Variants in KIF14 observed in about 807,000 individuals in gnomAD.
KIF14 encodes the protein kinesin-like protein KIF14.
In KIF14, 98 loss-of-function variants were observed where a neutral mutation model predicts 176.2. That is an observed-to-expected ratio of 0.56 (90% confidence interval 0.47 to 0.66). The LOEUF (loss-of-function observed/expected upper bound fraction) is 0.66. Among genes scored for constraint, KIF14 ranks in the 30% least tolerant of loss-of-function variants. The pLI, the probability that KIF14 is intolerant of heterozygous loss-of-function variation, is 0.00. For synonymous variants in KIF14, 566 were observed against 632.2 expected (o/e 0.90, Z 1.57); for missense variants, 1,751 against 1,920.4 (o/e 0.91, Z 1.65).
In KIF14 at chr1:200,600,397, C is replaced by A. The variant is rs1402744465; in HGVS notation, c.2259G>T (p.Met753Ile). Residue 753 changes from methionine to isoleucine, a missense_variant, in exon 12 of 30, where the codon ATG becomes ATT. Physicochemically the swap from Met to Ile is conservative, Grantham distance 10. Coordinates refer to ENST00000367350, the MANE Select transcript of KIF14 (RefSeq NM_014875.3). ...LCRQEITSLRMKLHQQERDMA... is the reference protein window; with the variant it reads ...LCRQEITSLRIKLHQQERDMA... ...TGTCTCTCTCCTGTTGATGCAGTTT[C>A]ATTCTTAAGGATGTTATTTCTTGCC... 6.2e-7 allele frequency: 1 copy of A among 1,613,872 alleles called. No homozygotes were observed.
Position 200,580,300 on chromosome 1 carries a change from A to G in KIF14, c.3419T>C (p.Leu1140Pro), listed in dbSNP as rs1209747686. 1.3e-6 allele frequency: 2 copies of G among 1,512,626 alleles called. No individual in the cohort carries two copies. Among genetic ancestry groups the G allele is most frequent in the Non-Finnish European group, 8.9e-7 (1 of 1,123,412 alleles). The allele number at this position is 1,512,626 out of a possible 1,614,324, so 93.7% of individuals were successfully genotyped here. ...TGCAAGTTTAGATTCAAACTTTTCC[A>G]GACTCCAGAATGTTGAGATTCCTAG... ...LKLGISTFWS[L>P]EKFESKLAAM... Residue 1140 changes from leucine (L) to proline (P), a missense_variant, in exon 21 of 30, where the codon CTG (leucine) becomes CCG (proline). By Grantham distance (98) the Leu-to-Pro change is moderately conservative. Coordinates refer to ENST00000367350, the MANE Select transcript of KIF14 (RefSeq NM_014875.3).
In KIF14 at chr1:200,590,133, C is replaced by T. The variant is rs1281906677; in HGVS notation, c.2953G>A (p.Ala985Thr). 1.9e-6 allele frequency: 3 copies of T among 1,605,990 alleles called. No individual in the cohort carries two copies. The highest frequency in any genetic ancestry group is 1.7e-5 in the Admixed American group (1 of 57,936). ...AYESKIKALE[A>T]ELREESQRKK... is the part of the protein sequence containing the mutation. ...CTAATTCTGCCTTTTACCAGTTCTGCTTCCAGTGCTTTTATTTTGCTTTCA... is the reference window on the plus strand; with the variant it reads ...CTAATTCTGCCTTTTACCAGTTCTGTTTCCAGTGCTTTTATTTTGCTTTCA... The change falls in exon 17 of 30, where the codon GCA (alanine) becomes ACA (threonine). Residue 985 changes from alanine (A) to threonine (T), a missense_variant. Transcript: ENST00000367350.
intron 23 of KIF14, among the ~76,000 whole-genome samples, chr1:200,566,420 A>T (rs1236713392): frequency 6.6e-6 from 1 of 151,568 alleles, no homozygotes; most frequent in Non-Finnish European, 1.5e-5. Flanking sequence ...GTGAAACCCC[A>T]TCTCTATTAA....
At chr1:200,582,711 G>A (rs530952178) in intron 19 of KIF14, among the ~76,000 whole-genome samples, 78 of 152,008 alleles carry the variant, frequency 5.1e-4, no homozygotes, top group African/African-American at 1.7e-3. Context: ...TTAGTCAGGC[G>A]TGGTAGCGGA....
In KIF14 at chr1:200,602,190, C is replaced by T. The variant is rs1659660543; in HGVS notation, c.1980-122G>A. 2.2e-5 allele frequency: 15 copies of T among 693,472 alleles called. No individual in the cohort carries two copies. In the South Asian group the frequency reaches 3.7e-4, roughly 17 times the overall value. The allele number at this position is 693,472 out of a possible 1,614,324, so 43.0% of individuals were successfully genotyped here. ...AGTATTATTATACTCTACTCAAATA[C>T]CATTTAAAACTTTTCTGGTATTTGT... On this transcript the variant is annotated intron_variant, in intron 10 of 29. Coordinates refer to ENST00000367350, the MANE Select transcript of KIF14 (RefSeq NM_014875.3).
chr1:200,607,772 G>A (rs1225590817), intron 5 of KIF14, among the ~76,000 whole-genome samples: 3 of 152,002 alleles, frequency 2.0e-5, no homozygotes, highest in African/African-American at 7.2e-5. Flanking sequence ...TGAAATCTCG[G>A]CTCACTGAAA....
chr1:200,577,977 G>A (rs1658225105), intron 21 of KIF14, among the ~76,000 whole-genome samples: 2 of 150,730 alleles, frequency 1.3e-5, no homozygotes, highest in Non-Finnish European at 3.0e-5. Context: ...TTCGAGGCCA[G>A]TTTGTTGATG....
Position 200,620,664 on chromosome 1 carries a change from G to A in KIF14, c.-369C>T, listed in dbSNP as rs1480884307. ...GTGCCGAAACTTCGCCCCTCCGCAG[G>A]GTCCGGCACCTTGGGGACCCCCTCG... On this transcript the variant is annotated 5_prime_UTR_variant, in exon 1 of 30. Coordinates refer to ENST00000367350, the MANE Select transcript of KIF14 (RefSeq NM_014875.3). 1 of 151,982 alleles carries A rather than the reference G, an allele frequency of 6.6e-6. No homozygotes were observed. The highest frequency in any genetic ancestry group is 2.4e-5 in the African/African-American group (1 of 41,342). 9.4% of individuals were successfully genotyped at this position (151,982 alleles called of 1,614,324 possible). A position where few individuals can be genotyped will look rare whatever the true frequency, so the allele number is the denominator to read the frequency against.
At chr1:200,574,402 A>C (rs1657986179) in intron 22 of KIF14, among the ~76,000 whole-genome samples, 1 of 152,180 alleles carries the variant, frequency 6.6e-6, no homozygotes, top group Non-Finnish European at 1.5e-5. Flanking sequence ...TCACACCTTC[A>C]GTCCCACAAC....
intron 18 of KIF14, among the ~76,000 whole-genome samples, chr1:200,587,699 CCAGCTACTCGGGAGGCTGAGGCAG>C (rs923550160): frequency 6.6e-5 from 10 of 152,204 alleles, no homozygotes; most frequent in African/African-American, 2.4e-4. Flanking sequence ...ACCTGTAATC[CCAGCTACTCGGGAGGCTGAGGCAG>C]CAGAATCTCT....
At chr1:200,581,638 T>C (rs904184296) in intron 19 of KIF14, among the ~76,000 whole-genome samples, 1 of 151,978 alleles carries the variant, frequency 6.6e-6, no homozygotes, top group Non-Finnish European at 1.5e-5. Flanking sequence ...GAGTATTCTA[T>C]AGTCTTACTT....
In KIF14 at chr1:200,615,053, A is replaced by C. The variant is rs180685540; in HGVS notation, c.1367+302T>G. Among the ~76,000 whole-genome samples the C allele has an allele frequency of 3.3e-5, 5 of 152,264 alleles. No homozygotes were observed. The East Asian group carries it at 7.7e-4, about 24-fold the overall frequency. The stretch of plus-strand genomic sequence containing the variant: ...CATCTAGCTTAGATGCCTTACTTTT[A>C]ATTCTCACCAAAATACTTAAAAGAT... On this transcript the variant is annotated intron_variant, in intron 3 of 29. Transcript: ENST00000367350.
intron 5 of KIF14, among the ~76,000 whole-genome samples, chr1:200,608,106 TA>T (rs1341233655): frequency 6.6e-6 from 1 of 152,200 alleles, no homozygotes; most frequent in East Asian, 1.9e-4. Context: ...TGAAACTTTC[TA>T]TTTCACAGAT....
At position 200,606,770 on chromosome 1, in the gene KIF14, C is replaced by G. The variant is rs779862030; in HGVS notation, c.1583G>C (p.Gly528Ala). 6.2e-7 allele frequency: 1 copy of G among 1,613,504 alleles called. No homozygotes were observed. Among genetic ancestry groups the G allele is most frequent in the South Asian group, 1.1e-5 (1 of 91,058 alleles). ...CATTGACAGTGCTTCAACATATGGT[C>G]CATAAACAGGATGTTCCCTCACTCT... ...PLRVREHPVY[G>A]PYVEALSMNI... Residue 528 changes from glycine (G) to alanine (A), a missense_variant, in exon 6 of 30, where the codon GGA (glycine) becomes GCA (alanine). Coordinates refer to ENST00000367350, the MANE Select transcript of KIF14 (RefSeq NM_014875.3).
At chr1:200,581,144 A>G in intron 20 of KIF14, 57 bp downstream of exon 20, 1 of 871,786 alleles carries the variant, frequency 1.1e-6, no homozygotes, top group Non-Finnish European at 1.8e-6. Flanking sequence ...GAGAAACTAA[A>G]TGATATAAAG....
At chr1:200,613,377 C>T (rs1004561321) in intron 4 of KIF14, among the ~76,000 whole-genome samples, 11 of 152,184 alleles carry the variant, frequency 7.2e-5, no homozygotes, top group Admixed American at 5.9e-4. Flanking sequence ...CAAAAATAAG[C>T]TCAGCTGCTC....
rs149215707 is a variant in KIF14, at chr1:200,618,726, T to C, written c.-3A>G. On this transcript the variant is annotated 5_prime_UTR_variant, in exon 2 of 30. Transcript: ENST00000367350. Reference sequence around the variant, plus strand: ...TTATGAGTACTGTGTAATGACATTTTGGCAGACAGTTATTTTAAAAAAGAA... The same window carrying C: ...TTATGAGTACTGTGTAATGACATTTCGGCAGACAGTTATTTTAAAAAAGAA... The C allele has an allele frequency of 6.3e-7, 1 of 1,584,322 alleles. No individual in the cohort carries two copies. The highest frequency in any genetic ancestry group is 1.3e-5 in the African/African-American group (1 of 74,316).
At chr1:200,555,047 CT>C (rs1479182199) in intron 28 of KIF14, among the ~76,000 whole-genome samples, 12 of 152,214 alleles carry the variant, frequency 7.9e-5, no homozygotes, top group African/African-American at 2.9e-4. Flanking sequence ...TCTAATTCAA[CT>C]GTATTTTAAA....
intron 5 of KIF14, among the ~76,000 whole-genome samples, chr1:200,607,665 G>A (rs112582706): frequency 1.8e-4 from 27 of 152,096 alleles, no homozygotes; most frequent in Admixed American, 1.7e-3. Context: ...GTTGCCAATA[G>A]TAAACTGCAC....
Sources: allele counts gnomAD v4.1 joint callset (sites outside exome capture counted in the v4.1 genomes callset), GRCh38; gene constraint gnomAD v4.1.1; transcripts MANE v1.5; gene names NCBI Gene and HGNC (gene_info 2026-07-23, HGNC 2026-07-21).